Variants in CCDC126 observed in about 807,000 individuals in gnomAD.
CCDC126 encodes the protein coiled-coil domain-containing protein 126.
A neutral mutation model predicts 11.7 loss-of-function variants in CCDC126; 5 were observed. The ratio of observed to expected loss-of-function variants is 0.43; its 90% CI spans 0.22 to 0.90. The LOEUF is 0.90. Ranked by LOEUF, CCDC126 falls within the 40% of genes least tolerant of loss-of-function variation. The pLI, the probability that CCDC126 is intolerant of heterozygous loss-of-function variation, is 0.27. For missense variants in CCDC126, 150 were observed against 163.1 expected, an observed-to-expected ratio of 0.92 and a Z score of 0.44; for synonymous variants, 60 against 61.9, an observed-to-expected ratio of 0.97 and a Z score of 0.14.
At chr7:23,631,983 TA>T (rs1181452554) in intron 3 of CCDC126, among the ~76,000 whole-genome samples, 2 of 151,646 alleles carry the variant, frequency 1.3e-5, no homozygotes, top group Non-Finnish European at 2.9e-5. Context: ...AAATACAGTA[TA>T]AAAAATAAAA....
rs1203837402 is a variant in CCDC126 at position 23,643,041 on chromosome 7, A to G, written c.349A>G (p.Thr117Ala). 6.2e-7 allele frequency: 1 copy of G among 1,614,218 alleles called. No homozygotes were observed. Among genetic ancestry groups the G allele is most frequent in the Admixed American group, 1.7e-5 (1 of 60,022 alleles). ...IVVNGSAANTTNGTSGNLVPV... is the reference protein window; with the variant it reads ...IVVNGSAANTANGTSGNLVPV... Reference sequence around the variant, plus strand: ...TGTGAATGGCTCAGCAGCCAACACCACCAATGGTACTAGTGGGAATTTGGT... The same window carrying G: ...TGTGAATGGCTCAGCAGCCAACACCGCCAATGGTACTAGTGGGAATTTGGT... The change falls in exon 4 of 4, where the codon ACC (threonine) becomes GCC (alanine). Residue 117 changes from threonine to alanine, a missense_variant. Thr to Ala is a moderately conservative substitution (Grantham distance 58, BLOSUM62 0). Coordinates refer to ENST00000307471, the MANE Select transcript of CCDC126 (RefSeq NM_138771.4).
chr7:23,628,279 A>G (rs1028737206), intron 3 of CCDC126, among the ~76,000 whole-genome samples: 3 of 152,322 alleles, frequency 2.0e-5, no homozygotes, highest in Non-Finnish European at 4.4e-5. Context: ...AAAGTCAGAC[A>G]GTCTAGGGAC....
In CCDC126 at chr7:23,611,206, A is replaced by G; in HGVS notation, c.-110A>G. ...GTGGATACAACCTTGCTGAAGATGA[A>G]GAATATACAATATTGAGGATATTTT... On this transcript the variant is annotated 5_prime_UTR_variant, in exon 3 of 4. Transcript: ENST00000307471. 2.9e-6 allele frequency: 2 copies of G among 699,822 alleles called. No individual in the cohort carries two copies. The highest frequency in any genetic ancestry group is 2.3e-5 in the Admixed American group (1 of 42,740). 43.4% of individuals were successfully genotyped at this position (699,822 alleles called of 1,614,324 possible). A position where few individuals can be genotyped will look rare whatever the true frequency, so the allele number is the denominator to read the frequency against.
At position 23,620,282 on chromosome 7, in the gene CCDC126, C is replaced by T. The variant is rs866319986; in HGVS notation, c.238+8729C>T. ...TTTTAATGATCGCCATTCTAACTGG[C>T]GTGAGATGGTATCTCATTGTGGTTT... On this transcript the variant is annotated intron_variant, in intron 3 of 3. Transcript: ENST00000307471. Among the ~76,000 whole-genome samples, 1,247 of 151,098 alleles carry T rather than the reference C, an allele frequency of 8.3e-3. 10 individuals carry two copies. The highest frequency in any genetic ancestry group is 0.028 in the African/African-American group (1,143 of 40,766).
intron 3 of CCDC126, among the ~76,000 whole-genome samples, chr7:23,639,181 T>A (rs1783307232): frequency 6.6e-6 from 1 of 150,830 alleles, no homozygotes; most frequent in South Asian, 2.1e-4. Flanking sequence ...TGGCTAACAT[T>A]TTTTTTATGT....
intron 3 of CCDC126, among the ~76,000 whole-genome samples, chr7:23,622,139 T>C (rs1359450168): frequency 2.0e-5 from 3 of 152,220 alleles, no homozygotes; most frequent in Non-Finnish European, 4.4e-5. Flanking sequence ...TTGATTGGAA[T>C]AGTTTCAGAA....
At chr7:23,638,973 A>T (rs1023534580) in intron 3 of CCDC126, among the ~76,000 whole-genome samples, 1 of 150,546 alleles carries the variant, frequency 6.6e-6, no homozygotes, top group African/African-American at 2.4e-5. Flanking sequence ...AGTATTTATG[A>T]TTTAGTCTTA....
intron 3 of CCDC126, among the ~76,000 whole-genome samples, chr7:23,632,460 C>A (rs1053113044): frequency 6.6e-6 from 1 of 152,142 alleles, no homozygotes; most frequent in Admixed American, 6.6e-5. Context: ...CATTGTAATA[C>A]CATATACCAA....
intron 3 of CCDC126, among the ~76,000 whole-genome samples, chr7:23,639,941 C>T (rs1190828254): frequency 1.3e-5 from 2 of 151,996 alleles, no homozygotes; most frequent in Admixed American, 6.6e-5. Context: ...TTTGGGAGGC[C>T]GAGGTGGGTA....
At chr7:23,633,341 A>G (rs1045939627) in intron 3 of CCDC126, among the ~76,000 whole-genome samples, 1 of 151,698 alleles carries the variant, frequency 6.6e-6, no homozygotes, top group African/African-American at 2.4e-5. Context: ...CTTGAGTGAC[A>G]TAATTTATTA....
At chr7:23,627,681 C>G (rs775660840) in intron 3 of CCDC126, among the ~76,000 whole-genome samples, 7 of 152,250 alleles carry the variant, frequency 4.6e-5, no homozygotes, top group Non-Finnish European at 1.0e-4. Flanking sequence ...TCACTGCAGC[C>G]TCGACCTCCT....
At chr7:23,637,953 C>T (rs1783268695) in intron 3 of CCDC126, among the ~76,000 whole-genome samples, 1 of 125,932 alleles carries the variant, frequency 7.9e-6, no homozygotes, top group Non-Finnish European at 1.7e-5. Context: ...CCGCCCCGTC[C>T]GGGAGGGAGG....
chr7:23,636,322 A>G (rs1421301630), intron 3 of CCDC126, among the ~76,000 whole-genome samples: 6 of 144,208 alleles, frequency 4.2e-5, no homozygotes, highest in African/African-American at 1.6e-4. Context: ...CTGGCCCCCC[A>G]TCGTCTGGGA....
intron 2 of CCDC126, among the ~76,000 whole-genome samples, chr7:23,600,948 C>T (rs986813005): frequency 6.6e-6 from 1 of 151,894 alleles, no homozygotes; most frequent in Non-Finnish European, 1.5e-5. Flanking sequence ...TGGTTGTGTG[C>T]ACCTGCAGTC....
At chr7:23,605,473 A>G (rs1443481448) in intron 2 of CCDC126, among the ~76,000 whole-genome samples, 1 of 151,188 alleles carries the variant, frequency 6.6e-6, no homozygotes, top group Non-Finnish European at 1.5e-5. Flanking sequence ...AAAATTTATC[A>G]TTTTAACATT....
At chr7:23,613,801 A>G (rs981595658) in intron 3 of CCDC126, among the ~76,000 whole-genome samples, 1 of 152,260 alleles carries the variant, frequency 6.6e-6, no homozygotes, top group African/African-American at 2.4e-5. Context: ...ACAATAAGCA[A>G]GTCACACAGA....
At chr7:23,605,992 G>T (rs55707903) in intron 2 of CCDC126, among the ~76,000 whole-genome samples, 11,189 of 149,526 alleles carry the variant, frequency 0.075, 1,157 homozygotes, top group African/African-American at 0.23. Context: ...GTTTTTTTTT[G>T]TGTGTGTGTG....
intron 2 of CCDC126, among the ~76,000 whole-genome samples, chr7:23,609,140 C>G (rs1223322555): frequency 6.6e-6 from 1 of 151,996 alleles, no homozygotes; most frequent in Non-Finnish European, 1.5e-5. Flanking sequence ...TGGGGAGGTT[C>G]CAAATTTTGC....
intron 3 of CCDC126, chr7:23,622,425 T>A (rs535063528): frequency 1.2e-4 from 42 of 358,814 alleles, no homozygotes; most frequent in African/African-American, 8.6e-4. Flanking sequence ...TCAGTGGTGA[T>A]CTCTCCTTTA....
Sources: allele counts gnomAD v4.1 joint callset (sites outside exome capture counted in the v4.1 genomes callset), GRCh38; gene constraint gnomAD v4.1.1; transcripts MANE v1.5; gene names NCBI Gene and HGNC (gene_info 2026-07-23, HGNC 2026-07-21).